The following CLK2 variants were observed in gnomAD, a reference collection of about 807,000 sequenced individuals.
The protein encoded by CLK2 is CDC like kinase 2.
A neutral mutation model predicts 73.5 loss-of-function variants in CLK2; 12 were observed. The observed-to-expected ratio is 0.16, with a 90% CI of 0.10 to 0.26. CLK2 has a LOEUF of 0.26. CLK2 is among the 10% of genes least tolerant of loss of function. The probability of loss-of-function intolerance (pLI) is 1.00; values close to 1 mark genes in which losing one functional copy is unlikely to be tolerated. For synonymous variants in CLK2, 232 were observed against 237.9 expected (o/e 0.98, Z 0.23); for missense variants, 509 against 688.4 (o/e 0.74, Z 2.92).
rs1232264391 is a variant in CLK2, at chr1:155,264,262, C to G, written c.1185G>C (p.Arg395Ser). 11 of 1,614,212 alleles carry G rather than the reference C, an allele frequency of 6.8e-6. No individual in the cohort carries two copies. Among genetic ancestry groups the G allele is most frequent in the Non-Finnish European group, 9.3e-6 (11 of 1,180,038 alleles). ...DNREHLAMMERILGPIPSRMI... is the reference protein window; with the variant it reads ...DNREHLAMMESILGPIPSRMI... Reference sequence around the variant, plus strand: ...TCCGGGAAGGGATAGGACCCAAGATCCTTTCCATCATGGCTAGATGCTCTC... The same window carrying G: ...TCCGGGAAGGGATAGGACCCAAGATGCTTTCCATCATGGCTAGATGCTCTC... Residue 395 changes from arginine (R) to serine (S), a missense_variant, in exon 11 of 13, where the codon AGG (arginine) becomes AGC (serine). Physicochemically the swap from Arg to Ser is moderately radical, Grantham distance 110. Transcript: ENST00000368361.
rs186829293 is a variant in CLK2 at position 155,265,795 on chromosome 1, G to A, written c.933+65C>T. The A allele has an allele frequency of 1.5e-4, 156 of 1,065,298 alleles. 1 individual carries two copies. The African/African-American group carries it at 2.1e-3, about 14-fold the overall frequency. The allele number at this position is 1,065,298 out of a possible 1,614,324, so 66.0% of individuals were successfully genotyped here. A position where few individuals can be genotyped will look rare whatever the true frequency, so the allele number is the denominator to read the frequency against. On this transcript the variant is annotated intron_variant, in intron 8 of 12. Coordinates refer to ENST00000368361, the MANE Select transcript of CLK2 (RefSeq NM_001294338.2). ...ATAAAAGGGAGAAAACAAAGGGCTC[G>A]GCAGAAGGCAAAGTGGTGCAGCTGC...
At chr1:155,265,737 G>A in intron 8 of CLK2, 123 bp downstream of exon 8, 1 of 759,532 alleles carries the variant, frequency 1.3e-6, no homozygotes, top group South Asian at 1.4e-5. Context: ...TACCCAGTTG[G>A]AGCCAGACAG....
chr1:155,265,999 G>T, intron 7 of CLK2, 45 bp from the exon 8 acceptor site: 1 of 1,353,782 alleles, frequency 7.4e-7, no homozygotes, highest in Non-Finnish European at 1.1e-6. Flanking sequence ...GGTGGCCAGA[G>T]CTAACTGGTA....
Position 155,268,779 on chromosome 1 carries a change from C to T in CLK2, c.416G>A (p.Arg139Lys), listed in dbSNP as rs1182701451. 1 of 1,612,940 alleles carries T rather than the reference C, an allele frequency of 6.2e-7. No homozygotes were observed. Among genetic ancestry groups the T allele is most frequent in the Admixed American group, 1.7e-5 (1 of 59,942 alleles). The change falls in exon 4 of 13, where the codon AGA becomes AAA. Residue 139 changes from arginine (R) to lysine (K), a missense_variant. By Grantham distance (26) the Arg-to-Lys change is conservative (BLOSUM62 2). Around this residue, in one of 6 missense-constraint regions of CLK2, gnomAD observed 222 missense variants for 221.7 expected, o/e 1.00. Coordinates refer to ENST00000368361, the MANE Select transcript of CLK2 (RefSeq NM_001294338.2). This position sits in a 1 kb window ranked among gnomAD's most constrained non-coding sequence, Gnocchi z 5.6. Reference sequence around the variant, plus strand: ...AGCGTCGTCCTCTACACTCTTGGCTCTCCGGCTGCTGTGCTGCTGTCGGGG... The same window carrying T: ...AGCGTCGTCCTCTACACTCTTGGCTTTCCGGCTGCTGTGCTGCTGTCGGGG... The part of the protein sequence containing the change: ...SRSSSQHSSR[R>K]AKSVEDDAEG...
At position 155,263,939 on chromosome 1, in the gene CLK2, G is replaced by A; in HGVS notation, c.1317+11C>T. 2.5e-6 allele frequency: 4 copies of A among 1,613,160 alleles called. No individual in the cohort carries two copies. The highest frequency in any genetic ancestry group is 1.7e-4 in the Middle Eastern group (1 of 6,060). ...GGACGGTGGGCACTATTTATCCCGA[G>A]CCCAGCTCACCCGCAGCGGTTTGCA... On this transcript the variant is annotated intron_variant, in intron 12 of 12. Coordinates refer to ENST00000368361, the MANE Select transcript of CLK2 (RefSeq NM_001294338.2).
In CLK2 at chr1:155,266,751, G is replaced by C. The variant is rs894521183; in HGVS notation, c.816C>G (p.Phe272Leu). ...YPIHQVRHMAFQLCQAVKFLH... is the reference protein window; with the variant it reads ...YPIHQVRHMALQLCQAVKFLH... ...CACACTTGACAGCCTGGCACAGCTG[G>C]AAGGCCATGTGGCGCACTTGGTGGA... Residue 272 changes from phenylalanine (F) to leucine (L), a missense_variant, in exon 7 of 13, where the codon TTC becomes TTG. Coordinates refer to ENST00000368361, the MANE Select transcript of CLK2 (RefSeq NM_001294338.2). The C allele has an allele frequency of 6.2e-7, 1 of 1,613,182 alleles. No homozygotes were observed. Among genetic ancestry groups the C allele is most frequent in the Non-Finnish European group, 8.5e-7 (1 of 1,179,690 alleles).
At chr1:155,272,059 C>T (rs1005132564) in intron 1 of CLK2, among the ~76,000 whole-genome samples, 1 of 151,308 alleles carries the variant, frequency 6.6e-6, no homozygotes, top group Non-Finnish European at 1.5e-5. Context: ...TCTTGTTGCC[C>T]AGGCTGGAGT....
rs764798246 is a variant in CLK2 at position 155,270,960 on chromosome 1, C to T, written c.18G>A (p.Arg6=). 4 of 1,610,406 alleles carry T rather than the reference C, an allele frequency of 2.5e-6. No homozygotes were observed. Among genetic ancestry groups the T allele is most frequent in the Non-Finnish European group, 3.4e-6 (4 of 1,177,006 alleles). The change falls in exon 2 of 13, where the codon AGG becomes AGA. Residue 6 remains arginine (R), a synonymous_variant. Transcript: ENST00000368361. ...GGCTGCCTCGCTCTGAGGAGTGGTA[C>T]CTTCGAGGATGCGGCATCTGGAAGG... The part of the protein sequence containing the change: MPHPR[R]YHSSERGSRG...
chr1:155,267,843 C>T (rs1397574170), intron 6 of CLK2, among the ~76,000 whole-genome samples, 167 bp downstream of exon 6: 1 of 143,570 alleles, frequency 7.0e-6, no homozygotes, highest in Non-Finnish European at 1.5e-5. Flanking sequence ...ATGTCATGGG[C>T]CCCCCCCCTT....
At chr1:155,271,570 G>A (rs2236863) in intron 1 of CLK2, among the ~76,000 whole-genome samples, 55,458 of 151,950 alleles carry the variant, frequency 0.36, 11,560 homozygotes, top group East Asian at 0.7. Flanking sequence ...GCTCCATGAA[G>A]ACCTTCAGGT....
chr1:155,263,900 A>T (rs1673105448), intron 12 of CLK2, 50 bp downstream of exon 12: 8 of 1,562,268 alleles, frequency 5.1e-6, no homozygotes, highest in Non-Finnish European at 7.1e-6. Flanking sequence ...CACCCTAAGA[A>T]GGAAGTGACT....
At chr1:155,270,645 C>T (rs1248613215) in intron 2 of CLK2, among the ~76,000 whole-genome samples, 163 bp downstream of exon 2, 1 of 152,248 alleles carries the variant, frequency 6.6e-6, no homozygotes, top group Non-Finnish European at 1.5e-5. Context: ...TGTATTCTAA[C>T]ACTTAACACT....
chr1:155,267,702 C>A (rs1325501594), intron 6 of CLK2, among the ~76,000 whole-genome samples: 3 of 152,184 alleles, frequency 2.0e-5, no homozygotes, highest in Non-Finnish European at 4.4e-5. Context: ...AAGCTTAATT[C>A]ATTGTTCGAT....
chr1:155,268,244 C>A lies in CLK2; in HGVS notation c.554+49G>T. ...TAATTAGCAAAAAAGCCCCATATAACCCCAACCATCTCTTTAGCCCCACAT... is the reference window on the plus strand; with the variant it reads ...TAATTAGCAAAAAAGCCCCATATAAACCCAACCATCTCTTTAGCCCCACAT... On this transcript the variant is annotated intron_variant, in intron 5 of 12. Coordinates refer to ENST00000368361, the MANE Select transcript of CLK2 (RefSeq NM_001294338.2). This position sits in a 1 kb window ranked among gnomAD's most constrained non-coding sequence, Gnocchi z 5.6. 6.3e-7 allele frequency: 1 copy of A among 1,589,736 alleles called. No individual in the cohort carries two copies. The highest frequency in any genetic ancestry group is 8.6e-7 in the Non-Finnish European group (1 of 1,157,854).
intron 9 of CLK2, 38 bp from the exon 10 acceptor site, chr1:155,264,588 T>G: frequency 6.2e-7 from 1 of 1,614,208 alleles, no homozygotes; most frequent in Non-Finnish European, 8.5e-7. Context: ...TTATGAGGCT[T>G]AGGTGGCCCC....
intron 2 of CLK2, 34 bp downstream of exon 2, chr1:155,270,773 AC>A: frequency 6.3e-7 from 1 of 1,586,178 alleles, no homozygotes; most frequent in Non-Finnish European, 8.6e-7. Flanking sequence ...TGAGCGAGTG[AC>A]CCTGTGTTTG....
rs1228341456 is a variant in CLK2 at position 155,263,166 on chromosome 1, G to A, written c.*52C>T. 1.3e-6 allele frequency: 2 copies of A among 1,556,240 alleles called. No homozygotes were observed. The highest frequency in any genetic ancestry group is 8.7e-7 in the Non-Finnish European group (1 of 1,149,946). ...TTGTATAAAAAAGCACCAGTGTCCT[G>A]GACTGGACACCCACTGCTATAAAAG... On this transcript the variant is annotated 3_prime_UTR_variant, in exon 13 of 13. Transcript: ENST00000368361.
At chr1:155,263,914 G>A in intron 12 of CLK2, 36 bp downstream of exon 12, 11 of 1,590,154 alleles carry the variant, frequency 6.9e-6, no homozygotes, top group Non-Finnish European at 8.6e-6. Context: ...AGTGACTTCT[G>A]GACGGTGGGC....
chr1:155,267,729 C>T (rs1284578341), intron 6 of CLK2, among the ~76,000 whole-genome samples: 1 of 152,210 alleles, frequency 6.6e-6, no homozygotes, highest in African/African-American at 2.4e-5. Context: ...GATGCTCAGT[C>T]CTAGGGCTAT....
Sources: allele counts gnomAD v4.1 joint callset (sites outside exome capture counted in the v4.1 genomes callset), GRCh38; gene constraint gnomAD v4.1.1; regional missense constraint gnomAD v4.1.1; non-coding constraint Gnocchi (gnomAD v3.1); transcripts MANE v1.5; gene names NCBI Gene and HGNC (gene_info 2026-07-23, HGNC 2026-07-21).